Variants in ATRNL1 observed in about 807,000 individuals in gnomAD.
ATRNL1 encodes the protein attractin like 1.
Under a neutral mutation model 182.7 loss-of-function variants are expected in ATRNL1, and 95 were observed. The ratio of observed to expected loss-of-function variants is 0.52; its 90% CI spans 0.44 to 0.62. ATRNL1 has a LOEUF of 0.62. Ranked by LOEUF, ATRNL1 falls within the 20% of genes least tolerant of loss-of-function variation. ATRNL1 has a pLI of 0.00. For missense variants in ATRNL1, 1,471 were observed against 1,679.5 expected, an observed-to-expected ratio of 0.88 and a Z score of 2.17; for synonymous variants, 576 against 568.3, an observed-to-expected ratio of 1.01 and a Z score of -0.19.
intron 24 of ATRNL1, among the ~76,000 whole-genome samples, chr10:115,475,602 A>G (rs1268210529): frequency 6.6e-6 from 1 of 151,454 alleles, no homozygotes; most frequent in Non-Finnish European, 1.5e-5. Context: ...CTGAGCTTCA[A>G]TTACCCAATC....
At chr10:115,731,682 A>T (rs892643458) in intron 27 of ATRNL1, among the ~76,000 whole-genome samples, 1 of 150,152 alleles carries the variant, frequency 6.7e-6, no homozygotes, top group Admixed American at 6.7e-5. Context: ...TAATATATAT[A>T]ATGCACTGAT....
chr10:115,192,290 G>A (rs12264547), intron 8 of ATRNL1, among the ~76,000 whole-genome samples: 1,987 of 152,096 alleles, frequency 0.013, 39 homozygotes, highest in African/African-American at 0.046. Flanking sequence ...AGAGGTAGGG[G>A]TCTAGTTTCA....
intron 27 of ATRNL1, among the ~76,000 whole-genome samples, chr10:115,846,928 T>C (rs2134353212): frequency 6.6e-6 from 1 of 152,232 alleles, no homozygotes; most frequent in South Asian, 2.1e-4. Context: ...ACAGAGTTGT[T>C]GTGGGTTTAA....
At chr10:115,882,961 C>T (rs1193970566) in intron 28 of ATRNL1, among the ~76,000 whole-genome samples, 1 of 152,194 alleles carries the variant, frequency 6.6e-6, no homozygotes, top group Admixed American at 6.5e-5. Context: ...TCTAGCCATC[C>T]TTGCCCATGT....
chr10:115,533,272 G>A (rs138474763), intron 25 of ATRNL1, among the ~76,000 whole-genome samples: 98,351 of 141,110 alleles, frequency 0.7, 32,568 homozygotes, highest in Middle Eastern at 0.77. Flanking sequence ...TATTGCCACA[G>A]TTTCAGATGG....
At chr10:115,568,007 G>A (rs1056469900) in intron 26 of ATRNL1, among the ~76,000 whole-genome samples, 1 of 151,980 alleles carries the variant, frequency 6.6e-6, no homozygotes, top group Admixed American at 6.6e-5. Flanking sequence ...TAATTATTGT[G>A]CTTAGAATTA....
rs995819159 is a variant in ATRNL1, at chr10:115,523,000, C to T, written c.3716+3676C>T. On this transcript the variant is annotated intron_variant, in intron 25 of 28. Coordinates refer to ENST00000355044, the MANE Select transcript of ATRNL1 (RefSeq NM_207303.4). ...TGGTGGGTACTCTCTTCAGGGCCTC[C>T]AACCGCATATTTCTGCTCAGCATTG... is the stretch of plus-strand genomic sequence containing the variant. Among the ~76,000 whole-genome samples, 6 of 152,294 alleles carry T rather than the reference C, an allele frequency of 3.9e-5. No individual in the cohort carries two copies. The East Asian group carries it at 1.2e-3, about 29-fold the overall frequency.
chr10:115,389,502 A>C (rs1235150713), intron 19 of ATRNL1, among the ~76,000 whole-genome samples: 1 of 66,080 alleles, frequency 1.5e-5, no homozygotes, highest in Admixed American at 1.6e-4. Context: ...CTCCGTCTCA[A>C]AAAAAAAAAA....
At chr10:115,901,376 A>T (rs977995767) in intron 28 of ATRNL1, among the ~76,000 whole-genome samples, 2 of 152,202 alleles carry the variant, frequency 1.3e-5, no homozygotes, top group African/African-American at 4.8e-5. Flanking sequence ...TATTTTGATT[A>T]AAAAGATAGT....
At chr10:115,259,303 T>A (rs1303065168) in intron 10 of ATRNL1, among the ~76,000 whole-genome samples, 1 of 152,148 alleles carries the variant, frequency 6.6e-6, no homozygotes, top group Non-Finnish European at 1.5e-5. Context: ...CCGCTTTGTT[T>A]ACCTAGTCAA....
At chr10:115,226,304 T>G (rs960484375) in intron 9 of ATRNL1, among the ~76,000 whole-genome samples, 27 of 152,060 alleles carry the variant, frequency 1.8e-4, no homozygotes, top group Non-Finnish European at 1.0e-4. Context: ...AATAATATTC[T>G]AGAAGATAAC....
intron 17 of ATRNL1, among the ~76,000 whole-genome samples, chr10:115,305,374 T>C (rs1853676710): frequency 6.6e-6 from 1 of 152,150 alleles, no homozygotes; most frequent in Non-Finnish European, 1.5e-5. Context: ...TGGAGAGGTA[T>C]GCCTGGGATG....
At chr10:115,921,829 T>C (rs1382052154) in intron 28 of ATRNL1, among the ~76,000 whole-genome samples, 1 of 152,216 alleles carries the variant, frequency 6.6e-6, no homozygotes, top group Non-Finnish European at 1.5e-5. Flanking sequence ...CCAATTTACA[T>C]AACCTTTTTG....
Position 115,570,929 on chromosome 10 carries a change from C to T in ATRNL1, c.3795+21393C>T, listed in dbSNP as rs117178162. Among the ~76,000 whole-genome samples the T allele has an allele frequency of 4.2e-3, 641 of 152,234 alleles. 2 individuals carry two copies. The highest frequency in any genetic ancestry group is 7.1e-3 in the Non-Finnish European group (484 of 68,014). On this transcript the variant is annotated intron_variant, in intron 26 of 28. Transcript: ENST00000355044. ...AGCCTTCAGTTGATTTCAGACATCCCGAGCAACCCAAGCATAGGGTTTATT... is the reference window on the plus strand; with the variant it reads ...AGCCTTCAGTTGATTTCAGACATCCTGAGCAACCCAAGCATAGGGTTTATT...
chr10:115,701,696 T>G (rs548859088), intron 26 of ATRNL1, among the ~76,000 whole-genome samples: 1 of 152,100 alleles, frequency 6.6e-6, no homozygotes, highest in African/African-American at 2.4e-5. Context: ...TTATAAAATC[T>G]AGAGAAAATT....
At chr10:115,899,198 A>G (rs1952285926) in intron 28 of ATRNL1, among the ~76,000 whole-genome samples, 2 of 151,738 alleles carry the variant, frequency 1.3e-5, no homozygotes, top group Admixed American at 6.6e-5. Flanking sequence ...TGGTGTTCTC[A>G]TTGTTCAATT....
chr10:115,519,383 T>A, intron 25 of ATRNL1, 59 bp downstream of exon 25: 5 of 1,357,404 alleles, frequency 3.7e-6, no homozygotes, highest in Non-Finnish European at 5.2e-6. Context: ...ATATATGTCC[T>A]GTCAATCTGT....
chr10:115,355,423 C>T (rs144903371), intron 19 of ATRNL1, among the ~76,000 whole-genome samples: 76 of 152,230 alleles, frequency 5.0e-4, no homozygotes, highest in African/African-American at 1.8e-3. Context: ...CCTGGGTAGA[C>T]TTCTGAAAGT....
intron 9 of ATRNL1, 139 bp from the exon 10 acceptor site, chr10:115,241,431 TA>T: frequency 2.1e-6 from 1 of 477,432 alleles, no homozygotes; most frequent in Non-Finnish European, 3.6e-6. Context: ...AGGTCATTTA[TA>T]AATTGTTAAA....
Sources: allele counts gnomAD v4.1 joint callset (sites outside exome capture counted in the v4.1 genomes callset), GRCh38; gene constraint gnomAD v4.1.1; transcripts MANE v1.5; gene names NCBI Gene and HGNC (gene_info 2026-07-23, HGNC 2026-07-21).